The following TENM2 variants were observed in gnomAD, a reference collection of about 807,000 sequenced individuals.
The protein encoded by TENM2 is teneurin-2.
In TENM2, 52 loss-of-function variants were observed where a neutral mutation model predicts 245.2. The observed-to-expected ratio is 0.21, with a 90% confidence interval of 0.17 to 0.27. TENM2 has a LOEUF of 0.27. Ranked by LOEUF, TENM2 falls within the 10% of genes least tolerant of loss-of-function variation. The probability of loss-of-function intolerance (pLI) is 1.00; values close to 1 mark genes in which losing one functional copy is unlikely to be tolerated. For synonymous variants in TENM2, 1,363 were observed against 1,438.9 expected (o/e 0.95, Z 1.19); for missense variants, 3,046 against 3,666.8 (o/e 0.83, Z 4.37).
chr5:167,490,605 CAT>C (rs1452585927), intron 2 of TENM2, among the ~76,000 whole-genome samples: 1 of 152,098 alleles, frequency 6.6e-6, no homozygotes, highest in African/African-American at 2.4e-5. Context: ...TTTATACCCA[CAT>C]GTCTTAAAAT....
At chr5:167,784,062 G>A (rs1036947515) in intron 2 of TENM2, among the ~76,000 whole-genome samples, 5 of 152,142 alleles carry the variant, frequency 3.3e-5, no homozygotes, top group African/African-American at 1.2e-4. Context: ...GAAATTTTTT[G>A]CAATGAAATT....
intron 2 of TENM2, among the ~76,000 whole-genome samples, chr5:167,864,552 A>T (rs558953037): frequency 3.3e-5 from 5 of 152,342 alleles, no homozygotes; most frequent in African/African-American, 1.2e-4. Flanking sequence ...CTCCCAGAGA[A>T]TCAGTGGCAG....
At chr5:167,322,056 TCCTGA>T (rs1756783006) in intron 1 of TENM2, among the ~76,000 whole-genome samples, 1 of 151,944 alleles carries the variant, frequency 6.6e-6, no homozygotes, top group African/African-American at 2.4e-5. Context: ...GGTCTTGAAC[TCCTGA>T]CCTCAAGTGA....
intron 2 of TENM2, among the ~76,000 whole-genome samples, chr5:167,404,704 TC>T (rs1309278979): frequency 6.6e-6 from 1 of 152,184 alleles, no homozygotes; most frequent in Non-Finnish European, 1.5e-5. Context: ...GTGTTGGTCA[TC>T]TCTTTCTGCT....
chr5:167,972,336 T>C (rs1003577930), intron 4 of TENM2, among the ~76,000 whole-genome samples: 2 of 152,226 alleles, frequency 1.3e-5, no homozygotes, highest in Admixed American at 1.3e-4. Context: ...TTTGGCAACT[T>C]CCTTTTTATC....
chr5:168,089,876 A>G (rs1792773073), intron 7 of TENM2, among the ~76,000 whole-genome samples: 2 of 152,176 alleles, frequency 1.3e-5, no homozygotes, highest in Non-Finnish European at 2.9e-5. Flanking sequence ...ATATTATCTG[A>G]ATCCTCACAA....
intron 2 of TENM2, among the ~76,000 whole-genome samples, chr5:167,401,477 T>C (rs1281068267): frequency 6.6e-6 from 1 of 152,176 alleles, no homozygotes; most frequent in African/African-American, 2.4e-5. Context: ...AGGATTATTA[T>C]TGAACAAGAA....
intron 2 of TENM2, among the ~76,000 whole-genome samples, chr5:167,679,446 C>G (rs1756554178): frequency 6.6e-6 from 1 of 152,100 alleles, no homozygotes; most frequent in South Asian, 2.1e-4. Context: ...AGATGAACTT[C>G]TTTTGAAAAT....
intron 1 of TENM2, among the ~76,000 whole-genome samples, chr5:167,361,862 T>C (rs1759738842): frequency 1.3e-5 from 2 of 152,206 alleles, no homozygotes; most frequent in Non-Finnish European, 2.9e-5. Flanking sequence ...GGGAATGATA[T>C]ATTTTAGTGG....
rs1763377323 is a variant in TENM2 at position 168,218,327 on chromosome 5, C to A, written c.4436C>A (p.Ala1479Asp). 1.2e-6 allele frequency: 2 copies of A among 1,613,890 alleles called. No individual in the cohort carries two copies. The highest frequency in any genetic ancestry group is 2.7e-5 in the African/African-American group (2 of 74,936). ...CACTCTGCCCTGGAGTCAGCCAGTG[C>A]CATTGCCATTTCTCACACTGGGGTC... The change falls in exon 23 of 29, where the codon GCC becomes GAC. Residue 1479 changes from alanine to aspartate, a missense_variant. Physicochemically the swap from Ala to Asp is moderately radical, Grantham distance 126 (BLOSUM62 -2). This residue lies in a region of TENM2 where 2,704 missense variants were observed against 3,331.9 expected (regional missense o/e 0.81). Transcript: ENST00000518659. This position sits in a 1 kb window ranked among gnomAD's most constrained non-coding sequence, Gnocchi z 5.2.
Position 167,477,365 on chromosome 5 carries a change from C to T in TENM2, c.502+101892C>T, listed in dbSNP as rs1251941848. Among the ~76,000 whole-genome samples the T allele has an allele frequency of 2.7e-5, 4 of 150,678 alleles. No homozygotes were observed. The East Asian group carries it at 7.8e-4, about 30-fold the overall frequency. On this transcript the variant is annotated intron_variant, in intron 2 of 28. Coordinates refer to ENST00000518659, the Ensembl canonical transcript of TENM2. ...CCGTTTTCCTCTTCACAAATGTCAA[C>T]ACAATGAAAAAGACAAAAATGCATA...
At chr5:167,587,315 T>C (rs1232603331) in intron 2 of TENM2, among the ~76,000 whole-genome samples, 1 of 152,214 alleles carries the variant, frequency 6.6e-6, no homozygotes, top group Non-Finnish European at 1.5e-5. Context: ...TTTTCAATAT[T>C]AGCCTTTCAT....
At chr5:167,967,708 A>T (rs1239890816) in intron 4 of TENM2, among the ~76,000 whole-genome samples, 1 of 152,222 alleles carries the variant, frequency 6.6e-6, no homozygotes, top group Admixed American at 6.5e-5. Context: ...GTGGTCATGC[A>T]TTGTAAGAGC....
At chr5:167,532,593 C>T (rs867004882) in intron 2 of TENM2, among the ~76,000 whole-genome samples, 16 of 151,780 alleles carry the variant, frequency 1.1e-4, no homozygotes, top group African/African-American at 3.9e-4. Flanking sequence ...AGACCTGCCC[C>T]CATAATTCAA....
intron 5 of TENM2, among the ~76,000 whole-genome samples, chr5:168,004,831 A>ATT (rs59307157): frequency 6.6e-5 from 10 of 151,894 alleles, no homozygotes; most frequent in African/African-American, 1.9e-4. Flanking sequence ...GTCACGGTTA[A>ATT]TTTTTTTTAA....
intron 7 of TENM2, among the ~76,000 whole-genome samples, chr5:168,070,235 C>T (rs147343701): frequency 6.1e-4 from 93 of 152,244 alleles, no homozygotes; most frequent in African/African-American, 2.1e-3. Flanking sequence ...ATTCAGTGTT[C>T]ATTCTCACAA....
intron 2 of TENM2, among the ~76,000 whole-genome samples, chr5:167,525,141 C>T (rs897223660): frequency 6.6e-6 from 1 of 152,110 alleles, no homozygotes; most frequent in Non-Finnish European, 1.5e-5. Flanking sequence ...ACTGCCCTCT[C>T]TCCAAGCTGC....
chr5:167,856,759 G>A (rs1274419015), intron 2 of TENM2, among the ~76,000 whole-genome samples: 2 of 152,066 alleles, frequency 1.3e-5, no homozygotes, highest in Non-Finnish European at 1.5e-5. Context: ...GAATTTAAAG[G>A]GCCTACAATC....
intron 2 of TENM2, among the ~76,000 whole-genome samples, chr5:167,664,902 G>A (rs1755470776): frequency 6.6e-6 from 1 of 152,116 alleles, no homozygotes; most frequent in Admixed American, 6.6e-5. Flanking sequence ...TACATTTTTG[G>A]TTTGTACAAC....
Sources: gnomAD v4.1 joint callset for allele counts (sites outside exome capture counted in the v4.1 genomes callset) on GRCh38, gnomAD v4.1.1 for gene constraint, gnomAD v4.1.1 regional missense constraint, Gnocchi (gnomAD v3.1) non-coding constraint, MANE v1.5 for transcripts, NCBI Gene and HGNC (gene_info 2026-07-23, HGNC 2026-07-21) for gene names.